GALNT17: variants seen among roughly 807,000 people sequenced by gnomAD.
GALNT17 encodes polypeptide N-acetylgalactosaminyltransferase 17, also known as UDP-GalNAc:polypeptide N-acetylgalactosaminyltransferase-like 3.
A neutral mutation model predicts 63.7 loss-of-function variants in GALNT17; 29 were observed. The observed-to-expected ratio is 0.46, with a 90% CI of 0.34 to 0.62. GALNT17 has a LOEUF of 0.62. Ranked by LOEUF, GALNT17 falls within the 20% of genes least tolerant of loss-of-function variation. GALNT17 has a pLI of 0.01. For missense variants in GALNT17, 603 were observed against 799.6 expected (o/e 0.75, Z 2.97); for synonymous variants, 305 against 318.3 (o/e 0.96, Z 0.45).
chr7:71,182,132 A>G (rs146371551), intron 1 of GALNT17, among the ~76,000 whole-genome samples: 5,335 of 152,266 alleles, frequency 0.035, 96 homozygotes, highest in African/African-American at 0.047. Flanking sequence ...CCAAGATAGC[A>G]CTATTGCACT....
chr7:71,459,177 CAGA>C lies in GALNT17; in HGVS notation c.962+38080_962+38082del, dbSNP rs1403680914. Among the ~76,000 whole-genome samples, 5 of 151,916 alleles carry C rather than the reference CAGA, an allele frequency of 3.3e-5. No individual in the cohort carries two copies. The East Asian group carries it at 5.8e-4, about 18-fold the overall frequency. ...AACAATTCACAAATCAGACAGCCTACAGAAGAAGAATAGGTTCAGAATGACTCT... is the reference window on the plus strand; with the variant it reads ...AACAATTCACAAATCAGACAGCCTACAGAAGAATAGGTTCAGAATGACTCT... On this transcript the variant is annotated intron_variant, in intron 5 of 10. Transcript: ENST00000333538.
chr7:71,573,635 ATTTTATT>A (rs1408511389), intron 6 of GALNT17, among the ~76,000 whole-genome samples: 2 of 152,042 alleles, frequency 1.3e-5, no homozygotes, highest in East Asian at 3.9e-4. Context: ...CACCTGGCCT[ATTTTATT>A]TTTTATTTTT....
intron 5 of GALNT17, among the ~76,000 whole-genome samples, chr7:71,564,525 A>C (rs1176795156): frequency 6.6e-6 from 1 of 151,786 alleles, no homozygotes. Context: ...ACCTGAAGTG[A>C]TCTGCCCACC....
At chr7:71,329,437 C>T (rs1309572509) in intron 1 of GALNT17, among the ~76,000 whole-genome samples, 2 of 152,124 alleles carry the variant, frequency 1.3e-5, no homozygotes, top group African/African-American at 2.4e-5. Flanking sequence ...CAGCTGTGCC[C>T]ATCTCGCAGC....
intron 1 of GALNT17, among the ~76,000 whole-genome samples, chr7:71,139,835 A>T (rs543956784): frequency 1.3e-5 from 2 of 152,292 alleles, no homozygotes; most frequent in Admixed American, 1.3e-4. Context: ...TCTACTAAAA[A>T]TACAAAAATA....
chr7:71,215,907 G>T (rs1456749598), intron 1 of GALNT17, among the ~76,000 whole-genome samples: 1 of 152,084 alleles, frequency 6.6e-6, no homozygotes, highest in Non-Finnish European at 1.5e-5. Flanking sequence ...AATTTAAACA[G>T]AAAAATTTAA....
intron 5 of GALNT17, among the ~76,000 whole-genome samples, chr7:71,566,427 T>G (rs1175310645): frequency 6.6e-6 from 1 of 152,152 alleles, no homozygotes. Flanking sequence ...ACTCCAAGCA[T>G]AGGCTTTTGG....
rs373254468 is a variant in GALNT17, at chr7:71,534,043, G to A, written c.963-37242G>A. ...GTTTCAATTCCCTGATACCGTCTGG[G>A]AGGCCTGATGGTTGGTTTTCTGAGA... On this transcript the variant is annotated intron_variant, in intron 5 of 10. Transcript: ENST00000333538. Among the ~76,000 whole-genome samples, 57 of 152,228 alleles carry A rather than the reference G, an allele frequency of 3.7e-4. No homozygotes were observed. In the South Asian group the frequency reaches 8.3e-3, roughly 22 times the overall value.
intron 1 of GALNT17, among the ~76,000 whole-genome samples, chr7:71,237,775 G>C (rs1478365731): frequency 6.6e-6 from 1 of 152,136 alleles, no homozygotes; most frequent in African/African-American, 2.4e-5. Context: ...ATAATTAGTG[G>C]CTAAATAAGA....
chr7:71,580,401 A>ATAGT (rs1789617403), intron 6 of GALNT17, among the ~76,000 whole-genome samples: 1 of 97,568 alleles, frequency 1.0e-5, no homozygotes, highest in Non-Finnish European at 2.1e-5. Context: ...TAGATGGATG[A>ATAGT]TAGATAGATA....
chr7:71,151,248 TG>T (rs1265455828), intron 1 of GALNT17, among the ~76,000 whole-genome samples: 1 of 151,910 alleles, frequency 6.6e-6, no homozygotes, highest in Non-Finnish European at 1.5e-5. Flanking sequence ...AAACAATAAG[TG>T]GGGGGATGGT....
intron 6 of GALNT17, among the ~76,000 whole-genome samples, chr7:71,658,887 C>G (rs1295388296): frequency 7.0e-6 from 1 of 143,504 alleles, no homozygotes; most frequent in Non-Finnish European, 1.5e-5. Context: ...GACTCTGTCT[C>G]AAAAAAAAAA....
At chr7:71,698,151 A>G (rs1294718251) in intron 9 of GALNT17, among the ~76,000 whole-genome samples, 3 of 151,776 alleles carry the variant, frequency 2.0e-5, no homozygotes, top group African/African-American at 7.3e-5. Flanking sequence ...AGAAAAGAAA[A>G]GAAAGAAAGT....
chr7:71,576,857 G>A (rs1279633358), intron 6 of GALNT17, among the ~76,000 whole-genome samples: 1 of 152,096 alleles, frequency 6.6e-6, no homozygotes, highest in Non-Finnish European at 1.5e-5. Flanking sequence ...CACGAGCCAC[G>A]CTCCTGGCCT....
At chr7:71,463,536 G>A (rs1439188466) in intron 5 of GALNT17, among the ~76,000 whole-genome samples, 1 of 152,134 alleles carries the variant, frequency 6.6e-6, no homozygotes, top group Admixed American at 6.5e-5. Flanking sequence ...AGTGTATTAA[G>A]AAAGTAAAGG....
intron 9 of GALNT17, among the ~76,000 whole-genome samples, chr7:71,681,597 G>A (rs981276789): frequency 3.3e-5 from 5 of 152,166 alleles, no homozygotes; most frequent in African/African-American, 1.2e-4. Context: ...CCCACTCCTG[G>A]GCCCCATGGC....
chr7:71,275,803 T>TA (rs751573039), intron 1 of GALNT17, among the ~76,000 whole-genome samples: 121 of 152,304 alleles, frequency 7.9e-4, no homozygotes, highest in Non-Finnish European at 1.5e-3. Flanking sequence ...CTGGTTCTCT[T>TA]ACTGCCAATG....
rs5884842 is a variant in GALNT17 at position 71,479,273 on chromosome 7, CA to C, written c.962+58180del. On this transcript the variant is annotated intron_variant, in intron 5 of 10. Coordinates refer to ENST00000333538, the MANE Select transcript of GALNT17 (RefSeq NM_022479.3). Reference sequence around the variant, plus strand: ...TGACTCCATCTCTGTACCTGAATTACAAAAAAAAAAAATGTGGCAAGTAAAG... The same window carrying C: ...TGACTCCATCTCTGTACCTGAATTACAAAAAAAAAAATGTGGCAAGTAAAG... Among the ~76,000 whole-genome samples, 616 of 143,198 alleles carry C rather than the reference CA, an allele frequency of 4.3e-3. 4 individuals are homozygous for C. Among genetic ancestry groups the C allele is most frequent in the East Asian group, 3.0e-3 (15 of 5,022 alleles). The allele number at this position is 143,198 out of a possible 152,430, so 93.9% of individuals were successfully genotyped here.
At chr7:71,171,187 T>C (rs1788540773) in intron 1 of GALNT17, among the ~76,000 whole-genome samples, 1 of 152,214 alleles carries the variant, frequency 6.6e-6, no homozygotes, top group Non-Finnish European at 1.5e-5. Flanking sequence ...TGTTCAGTTT[T>C]CTGTGCTTTG....
Sources: gnomAD v4.1 joint callset for allele counts (sites outside exome capture counted in the v4.1 genomes callset) on GRCh38, gnomAD v4.1.1 for gene constraint, MANE v1.5 for transcripts, NCBI Gene and HGNC (gene_info 2026-07-23, HGNC 2026-07-21) for gene names.